The following CNKSR2 variants were observed in gnomAD, a reference collection of about 807,000 sequenced individuals.
CNKSR2 encodes CNK homolog protein 2.
CNKSR2 carries 14 observed loss-of-function variants against 84.4 expected under a neutral mutation model. That is an observed-to-expected ratio of 0.17 (90% CI 0.11 to 0.26). The LOEUF is 0.26. CNKSR2 is among the 10% of genes least tolerant of loss of function. CNKSR2 has a pLI of 1.00. For missense variants in CNKSR2, 485 were observed against 771.2 expected (o/e 0.63, Z 4.40); for synonymous variants, 275 against 277.9 (o/e 0.99, Z 0.10).
intron 1 of CNKSR2, among the ~76,000 whole-genome samples, chrX:21,402,269 T>C (rs922985386): frequency 3.6e-5 from 4 of 111,466 alleles, no homozygotes; most frequent in African/African-American, 1.3e-4. Flanking sequence ...AAAAGGAATC[T>C]TTATAACACC....
intron 1 of CNKSR2, among the ~76,000 whole-genome samples, chrX:21,410,032 C>CTGTG (rs60351010): frequency 0.014 from 1,349 of 97,659 alleles, 12 homozygotes; most frequent in African/African-American, 0.037. Context: ...CTAATTGTGT[C>CTGTG]TGTGTGTGTG....
chrX:21,519,356 T>G (rs187515197), intron 9 of CNKSR2, among the ~76,000 whole-genome samples: 16 of 111,129 alleles, frequency 1.4e-4, no homozygotes, highest in African/African-American at 4.9e-4. Context: ...GCAGGAAAAG[T>G]TAAAGAAATA....
chrX:21,524,502 G>T lies in CNKSR2; in HGVS notation c.958-2365G>T, dbSNP rs7876436. Among the ~76,000 whole-genome samples the T allele has an allele frequency of 9.2e-3, 1,024 of 110,886 alleles. 10 individuals are homozygous for T. The highest frequency in any genetic ancestry group is 0.031 in the African/African-American group (957 of 30,735). ...AATAGCAGTTTGAAGGAAATTGAGG[G>T]CTAATAATTACATTTCTTGGAAGGG... On this transcript the variant is annotated intron_variant, in intron 9 of 21. Coordinates refer to ENST00000379510, the MANE Select transcript of CNKSR2 (RefSeq NM_014927.5).
intron 13 of CNKSR2, among the ~76,000 whole-genome samples, chrX:21,582,442 C>A (rs1488961578): frequency 9.0e-6 from 1 of 111,725 alleles, no homozygotes; most frequent in African/African-American, 3.3e-5. Context: ...AGCACTTTTT[C>A]TCTCTCTTTA....
chrX:21,518,705 C>T (rs2091753459), intron 9 of CNKSR2, among the ~76,000 whole-genome samples: 3 of 111,748 alleles, frequency 2.7e-5, no homozygotes, highest in Admixed American at 1.9e-4. Context: ...ACTCTTCAGG[C>T]ACTATTTCTA....
At chrX:21,615,464 T>C (rs184079118) in intron 20 of CNKSR2, among the ~76,000 whole-genome samples, 2 of 111,549 alleles carry the variant, frequency 1.8e-5, no homozygotes, top group Non-Finnish European at 3.8e-5. Context: ...ACAACTGGTA[T>C]GATTGATCAA....
At position 21,406,645 on chromosome X, in the gene CNKSR2, A is replaced by G. The variant is rs2090267658; in HGVS notation, c.65-19852A>G. 2.7e-5 allele frequency among the ~76,000 whole-genome samples: 3 copies of G among 111,482 alleles called. No homozygotes were observed. In the South Asian group the frequency reaches 1.1e-3, roughly 42 times the overall value. On this transcript the variant is annotated intron_variant, in intron 1 of 21. Transcript: ENST00000379510. ...GAGAATAAAGAAATTGAGAGATATG[A>G]CCACTGGACCACTCCTAGCTGGGCC...
At chrX:21,556,463 C>T (rs1198829526) in intron 11 of CNKSR2, among the ~76,000 whole-genome samples, 1 of 110,889 alleles carries the variant, frequency 9.0e-6, no homozygotes, top group Non-Finnish European at 1.9e-5. Flanking sequence ...GGATTGTATC[C>T]CTAAGGAAAT....
chrX:21,592,892 G>A (rs185584856), intron 15 of CNKSR2: 12 of 107,686 alleles, frequency 1.1e-4, no homozygotes, highest in East Asian at 5.8e-4. Flanking sequence ...TCTCTTTATT[G>A]TAAGGTCACT....
intron 5 of CNKSR2, among the ~76,000 whole-genome samples, chrX:21,479,144 T>C (rs1053369468): frequency 1.8e-5 from 2 of 111,788 alleles, no homozygotes; most frequent in Non-Finnish European, 3.8e-5. Context: ...CTCTCACTTA[T>C]ACGTGAGAAC....
At chrX:21,584,310 T>C (rs190260528) in intron 13 of CNKSR2, among the ~76,000 whole-genome samples, 331 of 112,357 alleles carry the variant, frequency 2.9e-3, no homozygotes, top group Non-Finnish European at 5.2e-3. Context: ...GATTACAACC[T>C]GTATTCTTTG....
intron 4 of CNKSR2, among the ~76,000 whole-genome samples, chrX:21,458,006 G>A (rs1221300561): frequency 8.9e-6 from 1 of 111,807 alleles, no homozygotes; most frequent in Non-Finnish European, 1.9e-5. Flanking sequence ...GAAGGAATAA[G>A]AAGGGATACA....
rs941047709 is a variant in CNKSR2, at chrX:21,422,267, G to C, written c.65-4230G>C. The C allele has an allele frequency of 2.7e-5, 3 of 111,490 alleles. No individual in the cohort carries two copies. The East Asian group carries it at 8.6e-4, about 32-fold the overall frequency. The allele number at this position is 111,490 out of a possible 1,213,427, so 9.2% of individuals were successfully genotyped here. On this transcript the variant is annotated intron_variant, in intron 1 of 21. Transcript: ENST00000379510. ...CCTAATCCCATGGTGCCCAGCCATA[G>C]GTCCAGCAGGATCAGCAGCTACTGC...
chrX:21,549,231 A>G (rs1253301087), intron 11 of CNKSR2, among the ~76,000 whole-genome samples: 3 of 112,562 alleles, frequency 2.7e-5, no homozygotes, highest in Non-Finnish European at 5.6e-5. Context: ...AAGTCTCAGG[A>G]TACAAAATCA....
intron 5 of CNKSR2, among the ~76,000 whole-genome samples, chrX:21,487,879 GC>G (rs1203357770): frequency 8.9e-6 from 1 of 112,290 alleles, no homozygotes; most frequent in Admixed American, 9.5e-5. Flanking sequence ...AAAATGCCAA[GC>G]CCCTTGTTCA....
chrX:21,572,688 A>G (rs1232824973), intron 13 of CNKSR2, among the ~76,000 whole-genome samples: 1 of 111,320 alleles, frequency 9.0e-6, no homozygotes, highest in Non-Finnish European at 1.9e-5. Context: ...ATAAATCACA[A>G]TCATGAGAAC....
chrX:21,578,552 T>TG (rs1289070950), intron 13 of CNKSR2, among the ~76,000 whole-genome samples: 1 of 105,919 alleles, frequency 9.4e-6, no homozygotes, highest in Non-Finnish European at 1.9e-5. Context: ...CTTACCTGTT[T>TG]TTTTTTTTTT....
intron 8 of CNKSR2, among the ~76,000 whole-genome samples, chrX:21,513,993 A>G (rs1198581049): frequency 8.9e-6 from 1 of 112,372 alleles, no homozygotes; most frequent in Non-Finnish European, 1.9e-5. Flanking sequence ...AAAAGTATAA[A>G]GAAGAAAGTA....
intron 5 of CNKSR2, among the ~76,000 whole-genome samples, chrX:21,489,708 G>A (rs2091423248): frequency 8.9e-6 from 1 of 112,004 alleles, no homozygotes; most frequent in Non-Finnish European, 1.9e-5. Context: ...CCTTAGTAAA[G>A]CCACTCTACT....
Sources: gnomAD v4.1 joint callset for allele counts (sites outside exome capture counted in the v4.1 genomes callset) on GRCh38, gnomAD v4.1.1 for gene constraint, MANE v1.5 for transcripts, NCBI Gene and HGNC (gene_info 2026-07-23, HGNC 2026-07-21) for gene names.